Variants in FMO4 observed in about 807,000 individuals in gnomAD.
The protein encoded by FMO4 is flavin containing dimethylaniline monoxygenase 4, also known as dimethylaniline monooxygenase [N-oxide-forming] 4.
In FMO4, 38 loss-of-function variants were observed where a neutral mutation model predicts 43.3. That is an observed-to-expected ratio of 0.88 (90% confidence interval 0.68 to 1.15). The LOEUF (loss-of-function observed/expected upper bound fraction) is 1.15, where lower values mean the gene tolerates loss of function less well. FMO4 is among the 50% of genes most tolerant of loss of function. FMO4 has a pLI of 0.00. For missense variants in FMO4, 631 were observed against 663.3 expected (o/e 0.95, Z 0.54); for synonymous variants, 224 against 232.2 (o/e 0.96, Z 0.32).
chr1:171,333,486 A>AAAAAAAATC (rs1662987163), intron 7 of FMO4, among the ~76,000 whole-genome samples: 1 of 152,080 alleles, frequency 6.6e-6, no homozygotes, highest in Non-Finnish European at 1.5e-5. Context: ...GGCCTCCCAA[A>AAAAAAAATC]GTGCTGGGAT....
intron 3 of FMO4, 105 bp downstream of exon 3, chr1:171,320,062 C>A: frequency 8.2e-7 from 1 of 1,222,116 alleles, no homozygotes; most frequent in Non-Finnish European, 1.2e-6. Flanking sequence ...GAGTGGCTTA[C>A]TGCAACGGCA....
chr1:171,314,964 T>C (rs568942608), intron 1 of FMO4, among the ~76,000 whole-genome samples: 1 of 152,252 alleles, frequency 6.6e-6, no homozygotes, highest in South Asian at 2.1e-4. Flanking sequence ...TCTAGTTCAA[T>C]AGGTCAGGTC....
chr1:171,336,439 C>T (rs563336159), intron 8 of FMO4, among the ~76,000 whole-genome samples: 1 of 152,194 alleles, frequency 6.6e-6, no homozygotes, highest in East Asian at 1.9e-4. Flanking sequence ...ACAAGAAGAG[C>T]AGAGTCCAAG....
chr1:171,324,965 G>C (rs1662595344), intron 5 of FMO4, among the ~76,000 whole-genome samples: 1 of 152,106 alleles, frequency 6.6e-6, no homozygotes, highest in Non-Finnish European at 1.5e-5. Context: ...AAAATTATCT[G>C]GGCATGATGG....
At chr1:171,318,441 A>T (rs903221108) in intron 2 of FMO4, among the ~76,000 whole-genome samples, 1 of 152,172 alleles carries the variant, frequency 6.6e-6, no homozygotes, top group Non-Finnish European at 1.5e-5. Context: ...ACCTGAGCCC[A>T]GGAGTTCAAG....
At chr1:171,337,759 G>T (rs1014490707) in intron 9 of FMO4, among the ~76,000 whole-genome samples, 1 of 151,944 alleles carries the variant, frequency 6.6e-6, no homozygotes, top group Non-Finnish European at 1.5e-5. Context: ...TGCTGGTATC[G>T]CCTCTTCCTC....
rs534964601 is a variant in FMO4, at chr1:171,320,575, G to GAC, written c.132+620_132+621dup. Among the ~76,000 whole-genome samples, 5 of 152,326 alleles carry GAC rather than the reference G, an allele frequency of 3.3e-5. No individual in the cohort carries two copies. The South Asian group carries it at 1.0e-3, about 32-fold the overall frequency. ...CACCTGTTAGGTGACTTGAGCATCA[G>GAC]ACAGTGGGGATGGAAGTGGTTAAAT... On this transcript the variant is annotated intron_variant, in intron 3 of 9. Coordinates refer to ENST00000367749, the MANE Select transcript of FMO4 (RefSeq NM_002022.3).
At position 171,342,040 on chromosome 1, in the gene FMO4, CTACCTCAGTG is replaced by C; in HGVS notation, c.*202_*211del. The C allele has an allele frequency of 1.8e-6, 1 of 555,468 alleles. No homozygotes were observed. Among genetic ancestry groups the C allele is most frequent in the South Asian group, 2.5e-5 (1 of 39,906 alleles). The allele number at this position is 555,468 out of a possible 1,614,324, so 34.4% of individuals were successfully genotyped here. A position where few individuals can be genotyped will look rare whatever the true frequency, so the allele number is the denominator to read the frequency against. On this transcript the variant is annotated 3_prime_UTR_variant, in exon 10 of 10. Coordinates refer to ENST00000367749, the MANE Select transcript of FMO4 (RefSeq NM_002022.3). ...CCTTTCCAATGCATCTTCTACCCTGCTACCTCAGTGATTATTCTAAAATAAATATATATGA... is the reference window on the plus strand; with the variant it reads ...CCTTTCCAATGCATCTTCTACCCTGCATTATTCTAAAATAAATATATATGA...
rs150988379 is a variant in FMO4, at chr1:171,341,056, C to T, written c.1251-357C>T. On this transcript the variant is annotated intron_variant, in intron 9 of 9. Transcript: ENST00000367749. ...TTTAGTGTGTGTGCAGAGTCCATTT[C>T]CCACATCTTTCCTCAAGTATCTTCT... Among the ~76,000 whole-genome samples, 1,237 of 152,142 alleles carry T rather than the reference C, an allele frequency of 8.1e-3. 13 individuals carry two copies. Among genetic ancestry groups the T allele is most frequent in the South Asian group, 0.022 (104 of 4,828 alleles).
rs181294033 is a variant in FMO4, at chr1:171,336,620, T to A, written c.1181-736T>A. On this transcript the variant is annotated intron_variant, in intron 8 of 9. Coordinates refer to ENST00000367749, the MANE Select transcript of FMO4 (RefSeq NM_002022.3). ...ACAGGGTTATAAAGTGGGTTTTTTT[T>A]AGAGACCAGTCCTCACTCCATTGCC... 2.6e-3 allele frequency among the ~76,000 whole-genome samples: 401 copies of A among 152,156 alleles called. 2 individuals are homozygous for A. The highest frequency in any genetic ancestry group is 8.9e-3 in the African/African-American group (369 of 41,524).
chr1:171,339,884 T>C (rs1358447638), intron 9 of FMO4, among the ~76,000 whole-genome samples: 1 of 152,106 alleles, frequency 6.6e-6, no homozygotes, highest in African/African-American at 2.4e-5. Context: ...GGTGTCCCAA[T>C]TGAGAAGATT....
intron 3 of FMO4, among the ~76,000 whole-genome samples, chr1:171,321,884 G>T (rs908687311): frequency 2.0e-5 from 3 of 152,142 alleles, no homozygotes; most frequent in African/African-American, 7.2e-5. Flanking sequence ...CAGCAGGGCC[G>T]CATCAGCTAC....
In FMO4 at chr1:171,323,201, C is replaced by T; in HGVS notation, c.321+9C>T. The T allele has an allele frequency of 6.3e-7, 1 of 1,599,600 alleles. No homozygotes were observed. Among genetic ancestry groups the T allele is most frequent in the Non-Finnish European group, 8.6e-7 (1 of 1,169,512 alleles). On this transcript the variant is annotated intron_variant, in intron 4 of 9. Coordinates refer to ENST00000367749, the MANE Select transcript of FMO4 (RefSeq NM_002022.3). ...AATACATTCAGTTTAAGGTAAGATA[C>T]TTTGGGTTATGGAAGATGAATAGAT...
chr1:171,338,503 C>A (rs1663213646), intron 9 of FMO4, among the ~76,000 whole-genome samples: 1 of 152,208 alleles, frequency 6.6e-6, no homozygotes, highest in Non-Finnish European at 1.5e-5. Context: ...CTCATCCATG[C>A]TGCTTTAGGC....
At chr1:171,323,785 G>A (rs1184993434) in intron 4 of FMO4, among the ~76,000 whole-genome samples, 1 of 151,792 alleles carries the variant, frequency 6.6e-6, no homozygotes, top group Non-Finnish European at 1.5e-5. Flanking sequence ...AGCCCATTGG[G>A]GAAAAAAAAT....
intron 3 of FMO4, among the ~76,000 whole-genome samples, chr1:171,321,126 A>G (rs983120223): frequency 6.6e-6 from 1 of 152,182 alleles, no homozygotes; most frequent in African/African-American, 2.4e-5. Flanking sequence ...GGTCTGGTTT[A>G]TGTAGCTTCT....
chr1:171,336,961 G>GCGCA lies in FMO4; in HGVS notation c.1181-394_1181-393insGCAC, dbSNP rs1553253523. On this transcript the variant is annotated intron_variant, in intron 8 of 9. Coordinates refer to ENST00000367749, the MANE Select transcript of FMO4 (RefSeq NM_002022.3). Reference sequence around the variant, plus strand: ...CAACTAATAGCTTTAACACAAACATGCACACACACACACACACACACACAC... The same window carrying GCGCA: ...CAACTAATAGCTTTAACACAAACATGCGCACACACACACACACACACACACACAC... 4.3e-4 allele frequency among the ~76,000 whole-genome samples: 63 copies of GCGCA among 147,112 alleles called. 1 individual carries two copies. In the South Asian group the frequency reaches 0.014, roughly 32 times the overall value.
intron 9 of FMO4, 36 bp downstream of exon 9, chr1:171,337,461 G>A (rs1485502545): frequency 1.5e-6 from 2 of 1,358,732 alleles, no homozygotes. Context: ...CAAACTTACA[G>A]TATATTCTGT....
Position 171,324,145 on chromosome 1 carries a change from T to A in FMO4, c.329T>A (p.Val110Glu), listed in dbSNP as rs1486419438. ...TTTGTCTTTCACTTTTAGACCACTG[T>A]GTGCAGCATAACGAAGCGTCCAGAC... ...LLKYIQFKTT[V>E]CSITKRPDFS... is the part of the protein sequence containing the mutation. Residue 110 changes from valine to glutamate, a missense_variant, in exon 5 of 10, where the codon GTG becomes GAG. Transcript: ENST00000367749. 5 of 1,610,728 alleles carry A rather than the reference T, an allele frequency of 3.1e-6. No homozygotes were observed. In the African/African-American group the frequency reaches 6.7e-5, roughly 22 times the overall value.
Sources: gnomAD v4.1 joint callset for allele counts (sites outside exome capture counted in the v4.1 genomes callset) on GRCh38, gnomAD v4.1.1 for gene constraint, MANE v1.5 for transcripts, NCBI Gene and HGNC (gene_info 2026-07-23, HGNC 2026-07-21) for gene names.